Variants in RPN2 observed in about 807,000 individuals in gnomAD.
RPN2 encodes the protein ribophorin II.
A neutral mutation model predicts 71.4 loss-of-function variants in RPN2; 29 were observed. The observed-to-expected ratio is 0.41, with a 90% CI of 0.30 to 0.55. RPN2 has a LOEUF of 0.55. RPN2 is among the 20% of genes least tolerant of loss of function. The pLI is 0.35. For synonymous variants in RPN2, 308 were observed against 305.0 expected (o/e 1.01, Z -0.10); for missense variants, 726 against 774.1 (o/e 0.94, Z 0.74).
chr20:37,210,103 A>C lies in RPN2; in HGVS notation c.924A>C (p.Glu308Asp). The change falls in exon 8 of 17, where the codon GAA becomes GAC. Residue 308 changes from glutamate to aspartate, a missense_variant. By Grantham distance (45) the Glu-to-Asp change is conservative (BLOSUM62 2). Transcript: ENST00000237530. ...TGACTCAGGCCACTGTTAAACTAGAACATGCTAAATCTGTTGCTTCCAGAG... is the reference window on the plus strand; with the variant it reads ...TGACTCAGGCCACTGTTAAACTAGACCATGCTAAATCTGTTGCTTCCAGAG... ...QPLTQATVKL[E>D]HAKSVASRAT... The C allele has an allele frequency of 6.2e-7, 1 of 1,614,206 alleles. No individual in the cohort carries two copies. The highest frequency in any genetic ancestry group is 8.5e-7 in the Non-Finnish European group (1 of 1,180,028).
At chr20:37,179,631 C>T in intron 1 of RPN2, 4 of 789,664 alleles carry the variant, frequency 5.1e-6, no homozygotes, top group Non-Finnish European at 5.4e-6. Context: ...CCGTGGGGAC[C>T]GCGGACGCGC....
At chr20:37,204,527 A>C (rs1420434815) in intron 5 of RPN2, among the ~76,000 whole-genome samples, 1 of 152,180 alleles carries the variant, frequency 6.6e-6, no homozygotes, top group Non-Finnish European at 1.5e-5. Flanking sequence ...GCCTGCATAC[A>C]AGGGGCCAAG....
rs780682309 is a variant in RPN2, at chr20:37,228,727, C to A, written c.1477C>A (p.Pro493Thr). The A allele has an allele frequency of 5.0e-6, 8 of 1,614,146 alleles. No individual in the cohort carries two copies. Among genetic ancestry groups the A allele is most frequent in the Non-Finnish European group, 5.9e-6 (7 of 1,180,008 alleles). ...LIIGDATLKN[P>T]ILWNVADVVI... is the part of the protein sequence containing the mutation. ...CATTGGAGATGCCACTTTGAAGAAC[C>A]CAATCCTCTGGAATGTGGTATGTGC... The change falls in exon 12 of 17, where the codon CCA (proline) becomes ACA (threonine). Residue 493 changes from proline to threonine, a missense_variant. Coordinates refer to ENST00000237530, the MANE Select transcript of RPN2 (RefSeq NM_002951.5).
At chr20:37,234,137 C>T in intron 15 of RPN2, 42 bp downstream of exon 15, 1 of 1,598,208 alleles carries the variant, frequency 6.3e-7, no homozygotes, top group Admixed American at 1.7e-5. Context: ...CGTCCTCTGA[C>T]ATTTAGCCTG....
At chr20:37,229,012 C>T (rs563584538) in intron 12 of RPN2, among the ~76,000 whole-genome samples, 234 of 152,268 alleles carry the variant, frequency 1.5e-3, no homozygotes, top group African/African-American at 5.4e-3. Flanking sequence ...TTTCTATAAA[C>T]ATTATACAGG....
intron 4 of RPN2, among the ~76,000 whole-genome samples, chr20:37,202,702 A>C (rs1222638553): frequency 6.6e-6 from 1 of 152,250 alleles, no homozygotes; most frequent in African/African-American, 2.4e-5. Flanking sequence ...AGATAAAAAT[A>C]TATGAATAAG....
intron 16 of RPN2, among the ~76,000 whole-genome samples, chr20:37,237,611 T>G (rs1464084027): frequency 2.0e-5 from 3 of 152,164 alleles, no homozygotes; most frequent in African/African-American, 7.2e-5. Flanking sequence ...TTGTGAGCTT[T>G]CTGAGCATTT....
chr20:37,240,557 C>T (rs2068524083), intron 16 of RPN2, among the ~76,000 whole-genome samples: 1 of 152,178 alleles, frequency 6.6e-6, no homozygotes, highest in South Asian at 2.1e-4. Flanking sequence ...GCAACCCTGC[C>T]TCTGCTTGCT....
chr20:37,213,665 T>G, intron 8 of RPN2, 95 bp from the exon 9 acceptor site: 1 of 943,566 alleles, frequency 1.1e-6, no homozygotes, highest in Non-Finnish European at 1.7e-6. Flanking sequence ...TGGCTAGCCT[T>G]GGACAGTCTC....
chr20:37,190,865 C>T (rs2146533265), intron 2 of RPN2, among the ~76,000 whole-genome samples: 1 of 152,170 alleles, frequency 6.6e-6, no homozygotes, highest in East Asian at 1.9e-4. Flanking sequence ...GAGTTGTATG[C>T]ATGTTTCAGA....
chr20:37,239,175 T>C (rs571938213), intron 16 of RPN2, among the ~76,000 whole-genome samples: 1 of 152,338 alleles, frequency 6.6e-6, no homozygotes, highest in African/African-American at 2.4e-5. Flanking sequence ...AGACAGTATT[T>C]TAGGCTTAAC....
chr20:37,224,704 A>G (rs1178278715), intron 10 of RPN2, among the ~76,000 whole-genome samples: 2 of 152,122 alleles, frequency 1.3e-5, no homozygotes, highest in Non-Finnish European at 2.9e-5. Context: ...GGGGATCTAG[A>G]TTTCTGGGGT....
intron 9 of RPN2, among the ~76,000 whole-genome samples, chr20:37,215,384 A>G (rs1378502066): frequency 6.6e-6 from 1 of 152,238 alleles, no homozygotes; most frequent in Non-Finnish European, 1.5e-5. Context: ...TTAGCATGAG[A>G]CATCTGATCT....
intron 7 of RPN2, among the ~76,000 whole-genome samples, chr20:37,209,666 GA>G (rs2067608117): frequency 1.3e-5 from 2 of 149,834 alleles, no homozygotes; most frequent in African/African-American, 4.9e-5. Context: ...TTTTTTGGTA[GA>G]AACGAGGTCT....
intron 8 of RPN2, among the ~76,000 whole-genome samples, chr20:37,211,670 A>G (rs1157115033): frequency 6.7e-6 from 1 of 149,600 alleles, no homozygotes; most frequent in Non-Finnish European, 1.5e-5. Context: ...AAATCAGGGT[A>G]TGCTTTATAT....
intron 12 of RPN2, 157 bp from the exon 13 acceptor site, chr20:37,229,816 T>C: frequency 1.5e-6 from 1 of 686,670 alleles, no homozygotes; most frequent in Non-Finnish European, 2.6e-6. Context: ...TTAAAGTTTT[T>C]ACTGCCTCAA....
chr20:37,232,229 C>G, intron 13 of RPN2, 67 bp from the exon 14 acceptor site: 1 of 1,583,748 alleles, frequency 6.3e-7, no homozygotes, highest in South Asian at 1.1e-5. Flanking sequence ...CTTTGGTCCC[C>G]GGTATACATG....
chr20:37,206,854 G>A (rs143066629), intron 6 of RPN2, among the ~76,000 whole-genome samples: 88 of 152,028 alleles, frequency 5.8e-4, no homozygotes, highest in Non-Finnish European at 9.7e-4. Context: ...GATTACAGGC[G>A]CATGCCACCA....
At chr20:37,236,732 G>A (rs758136827) in intron 16 of RPN2, 23 bp downstream of exon 16, 22 of 1,612,678 alleles carry the variant, frequency 1.4e-5, no homozygotes, top group Non-Finnish European at 1.9e-5. Context: ...ATGAGCCAGG[G>A]ATCTAGAGTA....
Sources: allele counts gnomAD v4.1 joint callset (sites outside exome capture counted in the v4.1 genomes callset), GRCh38; gene constraint gnomAD v4.1.1; transcripts MANE v1.5; gene names NCBI Gene and HGNC (gene_info 2026-07-23, HGNC 2026-07-21).